The following TMEM132B variants were observed in gnomAD, a reference collection of about 807,000 sequenced individuals.
The protein encoded by TMEM132B is transmembrane protein 132B.
TMEM132B carries 18 observed loss-of-function variants against 90.8 expected under a neutral mutation model. The ratio of observed to expected loss-of-function variants is 0.20; its 90% CI spans 0.14 to 0.29. The LOEUF (loss-of-function observed/expected upper bound fraction) is 0.29. TMEM132B is among the 10% of genes least tolerant of loss of function. TMEM132B has a pLI of 1.00. For synonymous variants in TMEM132B, 504 were observed against 523.3 expected, an observed-to-expected ratio of 0.96 and a Z score of 0.50; for missense variants, 1,096 against 1,326.8, an observed-to-expected ratio of 0.83 and a Z score of 2.70.
chr12:125,347,948 T>G (rs1877415207), intron 1 of TMEM132B, among the ~76,000 whole-genome samples: 1 of 152,192 alleles, frequency 6.6e-6, no homozygotes, highest in Non-Finnish European at 1.5e-5. Flanking sequence ...TTGTAACAAA[T>G]TAAAAGAAAG....
chr12:125,302,666 T>A (rs1021348013), intron 1 of TMEM132B, among the ~76,000 whole-genome samples: 17 of 152,244 alleles, frequency 1.1e-4, no homozygotes, highest in African/African-American at 3.9e-4. Context: ...TTAAAATTTA[T>A]TTTTGTAATA....
rs1286207749 is a variant in TMEM132B at position 125,650,671 on chromosome 12, C to A, written c.1644-12C>A. ...TGAAGACTTTGTTCTGTTTCGATTC[C>A]TTGTGCTCCAGGCCTACCCGGGAAA... On this transcript the variant is annotated splice_polypyrimidine_tract_variant and intron_variant, in intron 6 of 8. Transcript: ENST00000682704. 1 of 1,602,744 alleles carries A rather than the reference C, an allele frequency of 6.2e-7. No homozygotes were observed. The highest frequency in any genetic ancestry group is 1.7e-5 in the Admixed American group (1 of 59,876).
At chr12:125,470,842 G>A (rs1211732723) in intron 3 of TMEM132B, among the ~76,000 whole-genome samples, 1 of 152,170 alleles carries the variant, frequency 6.6e-6, no homozygotes, top group African/African-American at 2.4e-5. Flanking sequence ...TCTTCTCTGG[G>A]AGTCATTTTT....
At chr12:125,532,762 C>G in intron 4 of TMEM132B, among the ~76,000 whole-genome samples, 1 of 151,884 alleles carries the variant, frequency 6.6e-6, no homozygotes, top group Non-Finnish European at 1.5e-5. Context: ...TGATCTGCCC[C>G]CCTCGGCCTC....
chr12:125,486,134 T>C (rs148459412), intron 3 of TMEM132B, among the ~76,000 whole-genome samples: 1 of 152,192 alleles, frequency 6.6e-6, no homozygotes, highest in Non-Finnish European at 1.5e-5. Flanking sequence ...GTCTAAGTCC[T>C]AGACCTGTCC....
At chr12:125,500,779 T>G (rs1278930559) in intron 3 of TMEM132B, among the ~76,000 whole-genome samples, 1 of 152,162 alleles carries the variant, frequency 6.6e-6, no homozygotes, top group East Asian at 1.9e-4. Flanking sequence ...TCAACTTGGT[T>G]GCAGCAAATG....
At chr12:125,297,325 G>T (rs1875697033) in intron 1 of TMEM132B, among the ~76,000 whole-genome samples, 2 of 152,134 alleles carry the variant, frequency 1.3e-5, no homozygotes, top group African/African-American at 4.8e-5. Context: ...AGGTGATAGG[G>T]TGACAGGTGT....
intron 1 of TMEM132B, among the ~76,000 whole-genome samples, chr12:125,321,808 C>T (rs1242107222): frequency 2.6e-5 from 4 of 151,852 alleles, no homozygotes; most frequent in African/African-American, 9.7e-5. Flanking sequence ...AGTTAAGATA[C>T]ACCACCATAT....
chr12:125,540,807 T>A (rs1883935099), intron 4 of TMEM132B, among the ~76,000 whole-genome samples: 1 of 152,248 alleles, frequency 6.6e-6, no homozygotes, highest in African/African-American at 2.4e-5. Flanking sequence ...ATTGTTCCAC[T>A]GTCATCTTCT....
At chr12:125,256,219 G>T (rs767364166) in intron 1 of TMEM132B, among the ~76,000 whole-genome samples, 3 of 152,162 alleles carry the variant, frequency 2.0e-5, no homozygotes, top group Non-Finnish European at 2.9e-5. Flanking sequence ...AAACAGGGAG[G>T]TGTTTGGAAA....
chr12:125,254,356 C>T (rs890280392), intron 1 of TMEM132B, among the ~76,000 whole-genome samples: 8 of 152,126 alleles, frequency 5.3e-5, no homozygotes, highest in African/African-American at 9.7e-5. Flanking sequence ...CAAGACCTGG[C>T]GGCATCCTGA....
chr12:125,358,519 CT>C (rs1877858495), intron 2 of TMEM132B, among the ~76,000 whole-genome samples: 1 of 152,044 alleles, frequency 6.6e-6, no homozygotes. Context: ...TTTTTTTACA[CT>C]TCTTTTTATA....
intron 1 of TMEM132B, among the ~76,000 whole-genome samples, chr12:125,206,225 T>C (rs1056672396): frequency 3.9e-5 from 6 of 152,078 alleles, no homozygotes; most frequent in African/African-American, 1.4e-4. Flanking sequence ...CTTGGGGGCC[T>C]ATGATTTTTT....
chr12:125,376,926 A>G (rs1383339804), intron 2 of TMEM132B, among the ~76,000 whole-genome samples: 1 of 152,204 alleles, frequency 6.6e-6, no homozygotes, highest in East Asian at 1.9e-4. Flanking sequence ...CTGGCCTTCC[A>G]GGTCATCCAG....
intron 4 of TMEM132B, among the ~76,000 whole-genome samples, chr12:125,524,062 G>A (rs1478658940): frequency 1.3e-5 from 2 of 152,182 alleles, no homozygotes; most frequent in Non-Finnish European, 2.9e-5. Context: ...GAGGAGACCC[G>A]AAGTCAAAGC....
intron 3 of TMEM132B, among the ~76,000 whole-genome samples, chr12:125,479,541 C>T (rs566509997): frequency 4.2e-4 from 64 of 152,200 alleles, no homozygotes; most frequent in Non-Finnish European, 7.5e-4. Context: ...GTAAAGGGAA[C>T]AATTCAACAA....
At chr12:125,570,068 G>A (rs950943892) in intron 4 of TMEM132B, among the ~76,000 whole-genome samples, 1 of 152,054 alleles carries the variant, frequency 6.6e-6, no homozygotes, top group Admixed American at 6.6e-5. Context: ...ACTATTGAAT[G>A]GTTTTACCTG....
intron 4 of TMEM132B, among the ~76,000 whole-genome samples, chr12:125,538,410 C>T (rs1233981118): frequency 6.6e-6 from 1 of 152,186 alleles, no homozygotes; most frequent in African/African-American, 2.4e-5. Flanking sequence ...TTGGCTGTCA[C>T]ATCTCACACA....
rs376451281 is a variant in TMEM132B at position 125,424,207 on chromosome 12, A to T, written c.1106+8530A>T. Among the ~76,000 whole-genome samples, 27 of 152,268 alleles carry T rather than the reference A, an allele frequency of 1.8e-4. No homozygotes were observed. The South Asian group carries it at 2.3e-3, about 13-fold the overall frequency. ...AATATTTTTTCTTTTGAAGCATAAA[A>T]TGTCTGTCAAATATCTTTGTAGATA... On this transcript the variant is annotated intron_variant, in intron 3 of 8. Transcript: ENST00000682704.
Sources: allele counts gnomAD v4.1 joint callset (sites outside exome capture counted in the v4.1 genomes callset), GRCh38; gene constraint gnomAD v4.1.1; transcripts MANE v1.5; gene names NCBI Gene and HGNC (gene_info 2026-07-23, HGNC 2026-07-21).